The following CAPN5 variants were observed in gnomAD, a reference collection of about 807,000 sequenced individuals.
CAPN5 encodes calpain 5, also known as calpain-5.
Under a neutral mutation model 73.0 loss-of-function variants are expected in CAPN5, and 54 were observed. The observed-to-expected ratio is 0.74, with a 90% confidence interval of 0.59 to 0.93. The LOEUF is 0.93. Ranked by LOEUF, CAPN5 falls within the 40% of genes least tolerant of loss-of-function variation. The pLI is 0.00. For missense variants in CAPN5, 785 were observed against 882.9 expected, an observed-to-expected ratio of 0.89 and a Z score of 1.41; for synonymous variants, 335 against 356.9, an observed-to-expected ratio of 0.94 and a Z score of 0.69.
intron 1 of CAPN5, among the ~76,000 whole-genome samples, chr11:77,078,151 C>T (rs1210377532): frequency 6.6e-6 from 1 of 152,180 alleles, no homozygotes; most frequent in Non-Finnish European, 1.5e-5. Flanking sequence ...AGACCAATGT[C>T]ATAACAGCTT....
In CAPN5 at chr11:77,120,652, G is replaced by A. The variant is rs532174046; in HGVS notation, c.1291-61G>A. The A allele has an allele frequency of 3.4e-5, 39 of 1,152,100 alleles. No homozygotes were observed. The South Asian group carries it at 5.5e-4, about 16-fold the overall frequency. 71.4% of individuals were successfully genotyped at this position (1,152,100 alleles called of 1,614,324 possible). ...TTCCATGGTGGTGAGGGGGAGGCGG[G>A]GTGGGCCAGGGTGTTGTAGGGTGTG... On this transcript the variant is annotated intron_variant, in intron 9 of 12. Transcript: ENST00000648180.
chr11:77,073,195 T>C (rs1949929613), intron 1 of CAPN5: 1 of 1,029,344 alleles, frequency 9.7e-7, no homozygotes, highest in African/African-American at 1.6e-5. Flanking sequence ...ATGTGGTTCT[T>C]TCAGTGTTAA....
At chr11:77,075,995 A>G (rs1384954402) in intron 1 of CAPN5, among the ~76,000 whole-genome samples, 4 of 152,218 alleles carry the variant, frequency 2.6e-5, no homozygotes, top group African/African-American at 7.2e-5. Context: ...ATGTGTATAC[A>G]TTGTGGAATG....
Position 77,093,668 on chromosome 11 carries a change from C to T in CAPN5, c.166-14C>T, listed in dbSNP as rs369081304. Reference sequence around the variant, plus strand: ...TCCTCCGCCCCTCACGCTCTCTCCTCGCCTTCTCCGCAGGGCATCTGCGAG... The same window carrying T: ...TCCTCCGCCCCTCACGCTCTCTCCTTGCCTTCTCCGCAGGGCATCTGCGAG... On this transcript the variant is annotated splice_polypyrimidine_tract_variant and intron_variant, in intron 2 of 12. Transcript: ENST00000648180. 75 of 1,567,958 alleles carry T rather than the reference C, an allele frequency of 4.8e-5. No homozygotes were observed. The highest frequency in any genetic ancestry group is 5.8e-5 in the South Asian group (5 of 86,474).
chr11:77,110,975 C>G (rs1950404896), intron 3 of CAPN5, among the ~76,000 whole-genome samples: 1 of 152,058 alleles, frequency 6.6e-6, no homozygotes, highest in Admixed American at 6.5e-5. Context: ...TGATGGGGCT[C>G]AGCTCCACTT....
chr11:77,079,008 A>T (rs1420348386), intron 1 of CAPN5, among the ~76,000 whole-genome samples: 2 of 151,990 alleles, frequency 1.3e-5, no homozygotes, highest in Non-Finnish European at 2.9e-5. Context: ...TGAGATGATC[A>T]TATGTTTTTT....
chr11:77,093,564 T>C, intron 2 of CAPN5, 118 bp from the exon 3 acceptor site: 4 of 1,412,530 alleles, frequency 2.8e-6, no homozygotes, highest in South Asian at 1.4e-5. Context: ...TGAATCACCA[T>C]GCTGATGATC....
At chr11:77,110,735 CA>C (rs1448269031) in intron 3 of CAPN5, among the ~76,000 whole-genome samples, 1 of 152,234 alleles carries the variant, frequency 6.6e-6, no homozygotes, top group African/African-American at 2.4e-5. Flanking sequence ...CTTGGTCTCA[CA>C]TGTCCCATTA....
At chr11:77,084,078 C>T (rs184143136) in intron 1 of CAPN5, among the ~76,000 whole-genome samples, 24 of 152,310 alleles carry the variant, frequency 1.6e-4, no homozygotes, top group Non-Finnish European at 2.4e-4. Flanking sequence ...CTTGGCCGTC[C>T]GAGCATCTCT....
chr11:77,115,620 G>A (rs1950459633), intron 6 of CAPN5, 32 bp downstream of exon 6: 1 of 1,574,300 alleles, frequency 6.4e-7, no homozygotes, highest in East Asian at 2.3e-5. Flanking sequence ...GCAGGCACAG[G>A]GCATGAGGGC....
At chr11:77,088,735 A>T (rs1950118123) in intron 2 of CAPN5, among the ~76,000 whole-genome samples, 1 of 152,172 alleles carries the variant, frequency 6.6e-6, no homozygotes, top group Non-Finnish European at 1.5e-5. Context: ...GCCTCTGCAG[A>T]TATAGCCCAG....
At chr11:77,093,219 A>G (rs1950168565) in intron 2 of CAPN5, among the ~76,000 whole-genome samples, 1 of 152,180 alleles carries the variant, frequency 6.6e-6, no homozygotes, top group African/African-American at 2.4e-5. Flanking sequence ...CCCAGCTGGG[A>G]TATGGGTGTT....
At chr11:77,096,024 G>A (rs558310289) in intron 3 of CAPN5, among the ~76,000 whole-genome samples, 54 of 152,278 alleles carry the variant, frequency 3.5e-4, no homozygotes, top group African/African-American at 9.9e-4. Flanking sequence ...GGGGCCCTGC[G>A]GAGCTCATTA....
chr11:77,080,219 C>G (rs1555034429), intron 1 of CAPN5, among the ~76,000 whole-genome samples: 2 of 152,136 alleles, frequency 1.3e-5, no homozygotes, highest in Non-Finnish European at 2.9e-5. Flanking sequence ...TAAGACAGTG[C>G]CCAGTGAGCT....
At chr11:77,085,646 G>A (rs565332340) in intron 2 of CAPN5, among the ~76,000 whole-genome samples, 14 of 152,260 alleles carry the variant, frequency 9.2e-5, no homozygotes, top group East Asian at 1.9e-4. Context: ...AACAGGTGGC[G>A]TCTCTCCGAC....
chr11:77,083,857 G>T (rs1036801645), intron 1 of CAPN5, among the ~76,000 whole-genome samples: 1 of 152,190 alleles, frequency 6.6e-6, no homozygotes, highest in South Asian at 2.1e-4. Context: ...CACCAGTCTT[G>T]ATCTCAGATA....
intron 3 of CAPN5, among the ~76,000 whole-genome samples, chr11:77,096,680 G>A (rs1950212038): frequency 6.6e-6 from 1 of 152,256 alleles, no homozygotes; most frequent in East Asian, 1.9e-4. Flanking sequence ...ATTGGTCCTG[G>A]CCTGGCCTAA....
chr11:77,105,499 A>C (rs1268781041), intron 3 of CAPN5, among the ~76,000 whole-genome samples: 1 of 152,158 alleles, frequency 6.6e-6, no homozygotes. Context: ...GGAAGGCACC[A>C]AACCAGGTGC....
rs553818767 is a variant in CAPN5 at position 77,105,095 on chromosome 11, G to C, written c.298-7494G>C. Among the ~76,000 whole-genome samples, 9 of 151,884 alleles carry C rather than the reference G, an allele frequency of 5.9e-5. No homozygotes were observed. In the South Asian group the frequency reaches 1.9e-3, roughly 32 times the overall value. Reference sequence around the variant, plus strand: ...CCCTTCTGCTTGAGCTCTTCCTGCAGCTCTGGGGACCCTCTTAGTCCCGAC... The same window carrying C: ...CCCTTCTGCTTGAGCTCTTCCTGCACCTCTGGGGACCCTCTTAGTCCCGAC... On this transcript the variant is annotated intron_variant, in intron 3 of 12. Coordinates refer to ENST00000648180, the MANE Select transcript of CAPN5 (RefSeq NM_004055.5).
Sources: gnomAD v4.1 joint callset for allele counts (sites outside exome capture counted in the v4.1 genomes callset) on GRCh38, gnomAD v4.1.1 for gene constraint, MANE v1.5 for transcripts, NCBI Gene and HGNC (gene_info 2026-07-23, HGNC 2026-07-21) for gene names.